Variants in ARHGAP12 observed in about 807,000 individuals in gnomAD.
ARHGAP12 encodes the protein Rho GTPase activating protein 12, also known as rho GTPase-activating protein 12.
Under a neutral mutation model 108.6 loss-of-function variants are expected in ARHGAP12, and 64 were observed. That is an observed-to-expected ratio of 0.59 (90% confidence interval 0.48 to 0.73). The LOEUF (loss-of-function observed/expected upper bound fraction) is 0.73. Among genes scored for constraint, ARHGAP12 ranks in the 30% least tolerant of loss-of-function variants. ARHGAP12 has a pLI of 0.00. For missense variants in ARHGAP12, 940 were observed against 1,005.9 expected, an observed-to-expected ratio of 0.93 and a Z score of 0.89; for synonymous variants, 312 against 337.2, an observed-to-expected ratio of 0.93 and a Z score of 0.82.
At chr10:31,825,233 A>G (rs1835561025) in intron 11 of ARHGAP12, among the ~76,000 whole-genome samples, 1 of 152,164 alleles carries the variant, frequency 6.6e-6, no homozygotes, top group South Asian at 2.1e-4. Context: ...GTTCAGAACC[A>G]TGTTGCATGG....
chr10:31,857,714 A>G (rs1836939907), intron 4 of ARHGAP12, among the ~76,000 whole-genome samples: 2 of 152,254 alleles, frequency 1.3e-5, no homozygotes, highest in African/African-American at 4.8e-5. Flanking sequence ...AATCAGATTG[A>G]CATCTGAATT....
At chr10:31,873,006 CT>C (rs1265997684) in intron 3 of ARHGAP12, among the ~76,000 whole-genome samples, 1 of 152,158 alleles carries the variant, frequency 6.6e-6, no homozygotes, top group African/African-American at 2.4e-5. Context: ...AAATGTTCCC[CT>C]GTTCCCCAAA....
chr10:31,839,383 A>T, intron 8 of ARHGAP12, 64 bp from the exon 9 acceptor site: 8 of 1,485,940 alleles, frequency 5.4e-6, no homozygotes, highest in Non-Finnish European at 6.4e-6. Context: ...ATTTATTTTT[A>T]AAAACAAATA....
intron 3 of ARHGAP12, among the ~76,000 whole-genome samples, chr10:31,874,965 C>G (rs1837671450): frequency 1.0e-5 from 1 of 96,168 alleles, no homozygotes; most frequent in African/African-American, 4.2e-5. Flanking sequence ...CAACGCAAGA[C>G]TCTGTCTCAA....
chr10:31,869,268 G>A (rs1230137002), intron 3 of ARHGAP12, among the ~76,000 whole-genome samples: 1 of 152,166 alleles, frequency 6.6e-6, no homozygotes, highest in East Asian at 1.9e-4. Flanking sequence ...CAGGCACCGT[G>A]GCTCATGCCT....
intron 3 of ARHGAP12, among the ~76,000 whole-genome samples, chr10:31,865,578 T>C (rs1837291060): frequency 6.6e-6 from 1 of 151,936 alleles, no homozygotes; most frequent in Admixed American, 6.6e-5. Context: ...GTTCCCAATT[T>C]ACAAAAATCA....
chr10:31,808,671 T>C lies in ARHGAP12; in HGVS notation c.2344A>G (p.Ile782Val). 2 of 1,613,764 alleles carry C rather than the reference T, an allele frequency of 1.2e-6. No individual in the cohort carries two copies. Among genetic ancestry groups the C allele is most frequent in the Non-Finnish European group, 1.7e-6 (2 of 1,179,698 alleles). ...LPKPNQDTMQILFRHLRRVIE... is the reference protein window; with the variant it reads ...LPKPNQDTMQVLFRHLRRVIE... ...TACCTTCTGAGATGTCGGAAAAGAA[T>C]CTGCATTGTGTCTTGGTTTGGCTTT... The change falls in exon 19 of 20, where the codon ATT (isoleucine) becomes GTT (valine). Residue 782 changes from isoleucine (I) to valine (V), a missense_variant. By Grantham distance (29) the Ile-to-Val change is conservative. Coordinates refer to ENST00000344936, the MANE Select transcript of ARHGAP12 (RefSeq NM_018287.7).
At chr10:31,921,692 G>A (rs932769275) in intron 1 of ARHGAP12, among the ~76,000 whole-genome samples, 1 of 147,980 alleles carries the variant, frequency 6.8e-6, no homozygotes, top group East Asian at 2.0e-4. Flanking sequence ...TGAACCCTGG[G>A]GACAGAGGTT....
intron 1 of ARHGAP12, among the ~76,000 whole-genome samples, chr10:31,918,369 TACC>T (rs1410734493): frequency 1.3e-4 from 19 of 146,104 alleles, no homozygotes; most frequent in African/African-American, 4.6e-4. Flanking sequence ...ACCAATGAGA[TACC>T]ACTTCACACC....
intron 1 of ARHGAP12, among the ~76,000 whole-genome samples, chr10:31,915,030 T>C (rs1417517209): frequency 6.6e-6 from 1 of 152,110 alleles, no homozygotes; most frequent in Non-Finnish European, 1.5e-5. Flanking sequence ...TGAAATAAGC[T>C]AGGCACAGAA....
intron 3 of ARHGAP12, among the ~76,000 whole-genome samples, chr10:31,877,267 T>C (rs1280136546): frequency 3.3e-5 from 5 of 152,260 alleles, no homozygotes; most frequent in Non-Finnish European, 7.3e-5. Flanking sequence ...CAAGTCTGGT[T>C]ATCCCAGCTT....
chr10:31,922,180 CAAAAAAAAAAAAAAAAAAAAAAAA>C (rs56210740), intron 1 of ARHGAP12, among the ~76,000 whole-genome samples: 2 of 66,118 alleles, frequency 3.0e-5, no homozygotes, highest in Admixed American at 1.8e-4. Flanking sequence ...GACCCTGCCT[CAAAAAAAAAAAAAAAAAAAAAAAA>C]AAAAAAAAAA....
At position 31,852,729 on chromosome 10, in the gene ARHGAP12, C is replaced by CTT. The variant is rs398013156; in HGVS notation, c.1090-134_1090-133dup. ...ATCAAGAACATTGCAACAAAAAATT[C>CTT]TTTTTTTTTTTTTTTTTTTTTTTGA... On this transcript the variant is annotated intron_variant, in intron 5 of 19. Coordinates refer to ENST00000344936, the MANE Select transcript of ARHGAP12 (RefSeq NM_018287.7). 3.6e-3 allele frequency: 831 copies of CTT among 230,104 alleles called. 11 individuals are homozygous for CTT. The highest frequency in any genetic ancestry group is 0.013 in the African/African-American group (320 of 24,136). 14.3% of individuals were successfully genotyped at this position (230,104 alleles called of 1,614,324 possible). A position where few individuals can be genotyped will look rare whatever the true frequency, so the allele number is the denominator to read the frequency against.
intron 1 of ARHGAP12, among the ~76,000 whole-genome samples, chr10:31,915,539 C>T (rs1839518930): frequency 6.6e-6 from 1 of 152,074 alleles, no homozygotes; most frequent in Admixed American, 6.6e-5. Flanking sequence ...AAGGTGACTA[C>T]AGTAAATGAC....
Position 31,807,574 on chromosome 10 carries a change from T to A in ARHGAP12, c.*84A>T. 7.2e-7 allele frequency: 1 copy of A among 1,398,258 alleles called. No individual in the cohort carries two copies. Among genetic ancestry groups the A allele is most frequent in the Non-Finnish European group, 9.6e-7 (1 of 1,041,464 alleles). The allele number at this position is 1,398,258 out of a possible 1,614,324, so 86.6% of individuals were successfully genotyped here. A position where few individuals can be genotyped will look rare whatever the true frequency, so the allele number is the denominator to read the frequency against. The stretch of plus-strand genomic sequence containing the variant: ...GCAAAATCAAAGAGTCACTGCTTGG[T>A]CCAAAAAATAAAATACATTGTGTAT... On this transcript the variant is annotated 3_prime_UTR_variant, in exon 20 of 20. Transcript: ENST00000344936.
At chr10:31,859,433 C>T (rs931819610) in intron 4 of ARHGAP12, among the ~76,000 whole-genome samples, 2 of 151,866 alleles carry the variant, frequency 1.3e-5, no homozygotes, top group Admixed American at 1.3e-4. Flanking sequence ...CCCAGGAATA[C>T]TATCAATTAA....
At chr10:31,859,602 T>TCACTCCC (rs1362727767) in intron 4 of ARHGAP12, among the ~76,000 whole-genome samples, 1 of 118,088 alleles carries the variant, frequency 8.5e-6, no homozygotes, top group African/African-American at 2.9e-5. Context: ...TGAGACCCTG[T>TCACTCCC]ATACATAGTC....
chr10:31,883,278 AG>A (rs1204452961), intron 3 of ARHGAP12, among the ~76,000 whole-genome samples: 3 of 152,152 alleles, frequency 2.0e-5, no homozygotes, highest in African/African-American at 7.2e-5. Flanking sequence ...CTGGGCAACA[AG>A]AGCAAAACTC....
At chr10:31,838,589 G>T (rs148613224) in intron 9 of ARHGAP12, among the ~76,000 whole-genome samples, 1 of 152,070 alleles carries the variant, frequency 6.6e-6, no homozygotes, top group East Asian at 1.9e-4. Flanking sequence ...CAGCACTTTG[G>T]GGGGCCAGGG....
Sources: gnomAD v4.1 joint callset for allele counts (sites outside exome capture counted in the v4.1 genomes callset) on GRCh38, gnomAD v4.1.1 for gene constraint, MANE v1.5 for transcripts, NCBI Gene and HGNC (gene_info 2026-07-23, HGNC 2026-07-21) for gene names.